SPMIP8: variants seen among roughly 807,000 people sequenced by gnomAD.
SPMIP8 encodes the protein sperm microtubule inner protein 8, also known as testicular tissue protein Li 196.
the SPMIP8 span, chr16:57,986,493 C>G: frequency 6.6e-6 from 1 of 152,270 alleles, no homozygotes; most frequent in East Asian, 1.9e-4. Flanking sequence ...TCCCCCGAAA[C>G]CCAGCAGACC....
chr16:57,984,372 T>C, the SPMIP8 span: 7 of 1,614,200 alleles, frequency 4.3e-6, no homozygotes, highest in Admixed American at 1.0e-4. Context: ...TTGGTGAGTG[T>C]CCTTTGCCCT....
the SPMIP8 span, among the ~76,000 whole-genome samples, chr16:57,979,090 C>A: frequency 6.6e-6 from 1 of 152,234 alleles, no homozygotes; most frequent in Non-Finnish European, 1.5e-5. Flanking sequence ...GGCAAAAGAG[C>A]CCCACGGGCC....
chr16:57,981,713 A>G, the SPMIP8 span, among the ~76,000 whole-genome samples: 24 of 151,632 alleles, frequency 1.6e-4, no homozygotes, highest in Admixed American at 1.1e-3. Flanking sequence ...ATGGGGTTTC[A>G]CCATGTTGGC....
chr16:57,985,254 C>A, the SPMIP8 span: 1 of 1,560,438 alleles, frequency 6.4e-7, no homozygotes, highest in Non-Finnish European at 8.7e-7. Flanking sequence ...CCCGACGTGA[C>A]CCAGACCTGG....
the SPMIP8 span, among the ~76,000 whole-genome samples, chr16:57,981,425 T>TATA: frequency 8.5e-5 from 12 of 140,770 alleles, no homozygotes; most frequent in South Asian, 8.7e-4. Context: ...TTATTATTAT[T>TATA]ATTATTATAA....
At chr16:57,984,778 G>A in the SPMIP8 span, 70 of 1,608,918 alleles carry the variant, frequency 4.4e-5, no homozygotes, top group Non-Finnish European at 5.7e-5. Flanking sequence ...TCCTCGGCCG[G>A]GGAGTTCAAG....
At chr16:57,979,885 T>C in the SPMIP8 span, among the ~76,000 whole-genome samples, 1 of 152,070 alleles carries the variant, frequency 6.6e-6, no homozygotes, top group South Asian at 2.1e-4. Context: ...CTGGCCAACA[T>C]GGTGAAACCC....
At chr16:57,980,432 G>A in the SPMIP8 span, among the ~76,000 whole-genome samples, 1 of 152,214 alleles carries the variant, frequency 6.6e-6, no homozygotes, top group African/African-American at 2.4e-5. Context: ...AGCCCAGCAA[G>A]TGAGCAGCCT....
At chr16:57,981,389 A>AATTATTATTATTATTATTATTATTATT in the SPMIP8 span, among the ~76,000 whole-genome samples, 3 of 132,910 alleles carry the variant, frequency 2.3e-5, no homozygotes, top group African/African-American at 8.3e-5. Flanking sequence ...CAATAATAAT[A>AATTATTATTATTATTATTATTATTATT]ATAATTATTA....
At chr16:57,985,140 A>T in the SPMIP8 span, 4 of 1,360,078 alleles carry the variant, frequency 2.9e-6, no homozygotes, top group East Asian at 9.2e-5. Context: ...CGGGGCTTAG[A>T]TGAGGAGGCG....
At chr16:57,976,562 A>G in the SPMIP8 span, 1 of 1,614,222 alleles carries the variant, frequency 6.2e-7, no homozygotes, top group Non-Finnish European at 8.5e-7. Flanking sequence ...CCCATTGAGC[A>G]GTCAAAGAAC....
At chr16:57,982,115 G>A in the SPMIP8 span, among the ~76,000 whole-genome samples, 6 of 151,958 alleles carry the variant, frequency 3.9e-5, no homozygotes, top group African/African-American at 7.3e-5. Flanking sequence ...TGCTTCTCTC[G>A]CCCTCTCTCT....
the SPMIP8 span, among the ~76,000 whole-genome samples, chr16:57,979,753 T>C: frequency 6.6e-6 from 1 of 152,108 alleles, no homozygotes; most frequent in Admixed American, 6.6e-5. Context: ...TTTTTATTAC[T>C]GTTAACTGAA....
the SPMIP8 span, chr16:57,984,219 A>G: frequency 6.9e-7 from 1 of 1,447,986 alleles, no homozygotes; most frequent in South Asian, 1.1e-5. Flanking sequence ...AAATTTTTAA[A>G]GTACAGTGTG....
chr16:57,987,045 T>A, the SPMIP8 span: 1 of 241,566 alleles, frequency 4.1e-6, no homozygotes, highest in African/African-American at 2.2e-5. Context: ...TATTGCACTG[T>A]CATTATTGAC....
the SPMIP8 span, among the ~76,000 whole-genome samples, chr16:57,982,468 C>A: frequency 1.3e-5 from 2 of 152,186 alleles, no homozygotes; most frequent in Non-Finnish European, 2.9e-5. Context: ...TGAATTTGAG[C>A]CACTGTTTCT....
chr16:57,981,392 A>AATTATTATTATTATTATTATAATT, the SPMIP8 span, among the ~76,000 whole-genome samples: 2 of 83,584 alleles, frequency 2.4e-5, no homozygotes, highest in East Asian at 6.2e-4. Context: ...TAATAATAAT[A>AATTATTATTATTATTATTATAATT]ATTATTATTA....
chr16:57,984,434 T>C, the SPMIP8 span: 11 of 1,588,762 alleles, frequency 6.9e-6, no homozygotes, highest in Non-Finnish European at 6.9e-6. Flanking sequence ...GGTCCTGGGA[T>C]CTACACCCCG....
At chr16:57,976,674 T>A in the SPMIP8 span, 1 of 1,606,630 alleles carries the variant, frequency 6.2e-7, no homozygotes, top group Non-Finnish European at 8.5e-7. Context: ...CTTCCCCATA[T>A]CCGTGATCCC....
Sources: allele counts gnomAD v4.1 joint callset (sites outside exome capture counted in the v4.1 genomes callset), GRCh38; gene constraint gnomAD v4.1.1; transcripts MANE v1.5; gene names NCBI Gene and HGNC (gene_info 2026-07-23, HGNC 2026-07-21).